Variants in LRRC4C observed in about 807,000 individuals in gnomAD.
LRRC4C encodes the protein leucine rich repeat containing 4C, also known as leucine-rich repeat-containing protein 4C.
LRRC4C carries 5 observed loss-of-function variants against 33.6 expected under a neutral mutation model. That is an observed-to-expected ratio of 0.15 (90% CI 0.08 to 0.31). The LOEUF is 0.31. Ranked by LOEUF, LRRC4C falls within the 10% of genes least tolerant of loss-of-function variation. The pLI, the probability that LRRC4C is intolerant of heterozygous loss-of-function variation, is 1.00. For synonymous variants in LRRC4C, 329 were observed against 302.0 expected (o/e 1.09, Z -0.93); for missense variants, 560 against 796.7 (o/e 0.70, Z 3.58).
rs763007384 is a variant in LRRC4C, at chr11:41,240,765, G to A, written c.-496+218666C>T. 5.3e-5 allele frequency among the ~76,000 whole-genome samples: 8 copies of A among 152,130 alleles called. No individual in the cohort carries two copies. The East Asian group carries it at 7.7e-4, about 15-fold the overall frequency. On this transcript the variant is annotated intron_variant, in intron 1 of 6. Transcript: ENST00000528697. ...AGGATAAGGAATTAGTAGGATATGC[G>A]TGGTGTGATTGTTGCAGAGAAGCAC... is the stretch of plus-strand genomic sequence containing the variant.
At chr11:41,169,840 C>T (rs1944892984) in intron 1 of LRRC4C, among the ~76,000 whole-genome samples, 1 of 152,132 alleles carries the variant, frequency 6.6e-6, no homozygotes, top group South Asian at 2.1e-4. Context: ...GTAAGTTTAA[C>T]ACAGGAAAAC....
intron 4 of LRRC4C, among the ~76,000 whole-genome samples, chr11:40,294,327 CT>C (rs1275808380): frequency 6.6e-6 from 1 of 152,052 alleles, no homozygotes; most frequent in Non-Finnish European, 1.5e-5. Context: ...GAGGTTCAGG[CT>C]GTGTGGGAGA....
intron 1 of LRRC4C, among the ~76,000 whole-genome samples, chr11:41,391,994 T>C (rs1251113088): frequency 2.0e-5 from 3 of 151,920 alleles, no homozygotes; most frequent in African/African-American, 7.2e-5. Context: ...GCAGGTAGAA[T>C]AAAAGAGAAA....
chr11:41,378,873 C>A (rs945288023), intron 1 of LRRC4C, among the ~76,000 whole-genome samples: 11 of 151,466 alleles, frequency 7.3e-5, no homozygotes, highest in African/African-American at 2.7e-4. Flanking sequence ...AACTCAATAT[C>A]TCTAATCAAG....
intron 3 of LRRC4C, among the ~76,000 whole-genome samples, chr11:40,616,709 A>G (rs997369252): frequency 5.3e-5 from 8 of 151,880 alleles, no homozygotes; most frequent in Non-Finnish European, 1.0e-4. Flanking sequence ...GAATTGAACA[A>G]TGAGAACACA....
chr11:40,552,450 G>C (rs1957163236), intron 3 of LRRC4C, among the ~76,000 whole-genome samples: 1 of 152,116 alleles, frequency 6.6e-6, no homozygotes, highest in African/African-American at 2.4e-5. Context: ...ATAAGTCTTT[G>C]ATGGAATCCT....
At chr11:40,318,974 G>A (rs1289366129) in intron 4 of LRRC4C, among the ~76,000 whole-genome samples, 1 of 152,058 alleles carries the variant, frequency 6.6e-6, no homozygotes, top group Non-Finnish European at 1.5e-5. Context: ...TCCTTTGACT[G>A]CCTCCATTAC....
chr11:40,423,306 T>C (rs894596992), intron 3 of LRRC4C, among the ~76,000 whole-genome samples: 29 of 151,994 alleles, frequency 1.9e-4, no homozygotes, highest in African/African-American at 7.0e-4. Context: ...ACGGTGTTAT[T>C]TGAATGTGAA....
At chr11:41,306,528 T>C (rs536011834) in intron 1 of LRRC4C, among the ~76,000 whole-genome samples, 1 of 152,350 alleles carries the variant, frequency 6.6e-6, no homozygotes, top group African/African-American at 2.4e-5. Flanking sequence ...GCGCATATAC[T>C]ACACACCATG....
intron 5 of LRRC4C, among the ~76,000 whole-genome samples, chr11:40,185,901 C>T (rs777409912): frequency 1.3e-5 from 2 of 152,112 alleles, no homozygotes; most frequent in Non-Finnish European, 2.9e-5. Context: ...CCCGTGGTTG[C>T]TCATTGTCTT....
intron 2 of LRRC4C, among the ~76,000 whole-genome samples, chr11:40,704,473 C>T (rs1393364399): frequency 6.6e-6 from 1 of 152,136 alleles, no homozygotes; most frequent in Non-Finnish European, 1.5e-5. Flanking sequence ...AAAATGGTCT[C>T]CCTGAAATCT....
At chr11:40,483,163 A>G (rs2138424388) in intron 3 of LRRC4C, among the ~76,000 whole-genome samples, 1 of 152,328 alleles carries the variant, frequency 6.6e-6, no homozygotes, top group East Asian at 1.9e-4. Flanking sequence ...GGCTGGGATT[A>G]GGGCATGAAA....
At chr11:40,455,947 G>A (rs1952112657) in intron 3 of LRRC4C, among the ~76,000 whole-genome samples, 1 of 152,084 alleles carries the variant, frequency 6.6e-6, no homozygotes, top group African/African-American at 2.4e-5. Context: ...CACGGTAAAT[G>A]TTCCAATGAG....
intron 3 of LRRC4C, among the ~76,000 whole-genome samples, chr11:40,589,807 C>T (rs1238820300): frequency 6.7e-6 from 1 of 149,178 alleles, no homozygotes; most frequent in East Asian, 2.0e-4. Flanking sequence ...ATATTGGCCC[C>T]CACTCTCTTC....
At chr11:41,142,908 T>C (rs907987985) in intron 1 of LRRC4C, among the ~76,000 whole-genome samples, 2 of 152,198 alleles carry the variant, frequency 1.3e-5, no homozygotes, top group African/African-American at 2.4e-5. Flanking sequence ...AAAACAGTGT[T>C]CGTGTCATTC....
At chr11:40,437,180 T>C (rs765901316) in intron 3 of LRRC4C, among the ~76,000 whole-genome samples, 1 of 152,126 alleles carries the variant, frequency 6.6e-6, no homozygotes, top group East Asian at 1.9e-4. Flanking sequence ...TATCCAAGGA[T>C]CTTTCCTTTT....
chr11:40,666,425 A>G (rs1029110387), intron 2 of LRRC4C, among the ~76,000 whole-genome samples: 1 of 152,116 alleles, frequency 6.6e-6, no homozygotes, highest in Admixed American at 6.5e-5. Flanking sequence ...AGGAGGAGTC[A>G]GTTGTGTCTA....
intron 1 of LRRC4C, among the ~76,000 whole-genome samples, chr11:41,045,318 CTCTT>C (rs1248292272): frequency 1.3e-5 from 2 of 152,006 alleles, no homozygotes; most frequent in African/African-American, 4.8e-5. Context: ...AAGAGAATCA[CTCTT>C]TCCTCTTATT....
chr11:41,045,651 A>G (rs1857728852), intron 1 of LRRC4C, among the ~76,000 whole-genome samples: 1 of 152,134 alleles, frequency 6.6e-6, no homozygotes, highest in Non-Finnish European at 1.5e-5. Flanking sequence ...TCAATAAGGT[A>G]AGGGGCCCAA....
Sources: allele counts gnomAD v4.1 joint callset (sites outside exome capture counted in the v4.1 genomes callset), GRCh38; gene constraint gnomAD v4.1.1; transcripts MANE v1.5; gene names NCBI Gene and HGNC (gene_info 2026-07-23, HGNC 2026-07-21).